Variants in GALNT11 observed in about 807,000 individuals in gnomAD.
GALNT11 encodes the protein polypeptide N-acetylgalactosaminyltransferase 11.
In GALNT11, 47 loss-of-function variants were observed where a neutral mutation model predicts 72.7. The ratio of observed to expected loss-of-function variants is 0.65; its 90% CI spans 0.51 to 0.82. The LOEUF (loss-of-function observed/expected upper bound fraction) is 0.82. Ranked by LOEUF, GALNT11 falls within the 40% of genes least tolerant of loss-of-function variation. The pLI, the probability that GALNT11 is intolerant of heterozygous loss-of-function variation, is 0.00. For synonymous variants in GALNT11, 270 were observed against 286.6 expected (o/e 0.94, Z 0.58); for missense variants, 677 against 778.4 (o/e 0.87, Z 1.55).
intron 1 of GALNT11, among the ~76,000 whole-genome samples, chr7:152,055,699 T>G (rs1292444009): frequency 6.6e-6 from 1 of 152,068 alleles, no homozygotes; most frequent in Non-Finnish European, 1.5e-5. Flanking sequence ...CTATAAAGTA[T>G]ATAAACTCAA....
intron 1 of GALNT11, among the ~76,000 whole-genome samples, chr7:152,047,499 C>T (rs1286821210): frequency 6.6e-6 from 1 of 151,918 alleles, no homozygotes; most frequent in African/African-American, 2.4e-5. Flanking sequence ...ACAAACAAAA[C>T]AGCTTGGGCA....
Position 152,121,784 on chromosome 7 carries a change from G to A in GALNT11, c.*107G>A. 7.1e-7 allele frequency: 1 copy of A among 1,408,834 alleles called. No homozygotes were observed. The highest frequency in any genetic ancestry group is 9.6e-7 in the Non-Finnish European group (1 of 1,038,440). 87.3% of individuals were successfully genotyped at this position (1,408,834 alleles called of 1,614,324 possible). On this transcript the variant is annotated 3_prime_UTR_variant, in exon 12 of 12. Coordinates refer to ENST00000430044, the MANE Select transcript of GALNT11 (RefSeq NM_022087.4). ...GGTGGAGCAGAACCATCTTGGAGAA[G>A]ATGACAGTTCCCTGTCCTCCCGGAG... is the stretch of plus-strand genomic sequence containing the variant.
chr7:152,044,399 C>T (rs1180457195), intron 1 of GALNT11, among the ~76,000 whole-genome samples: 1 of 152,120 alleles, frequency 6.6e-6, no homozygotes, highest in East Asian at 1.9e-4. Context: ...TGTTCCTTGC[C>T]CTCATTCTGG....
chr7:152,120,772 A>G (rs1394790110), intron 10 of GALNT11, 59 bp from the exon 11 acceptor site: 19 of 1,393,792 alleles, frequency 1.4e-5, no homozygotes, highest in Non-Finnish European at 1.7e-5. Context: ...AAGAATATGC[A>G]AAGTGTTGTT....
At chr7:152,076,950 G>A (rs1344715107) in intron 1 of GALNT11, among the ~76,000 whole-genome samples, 2 of 152,206 alleles carry the variant, frequency 1.3e-5, no homozygotes, top group Non-Finnish European at 2.9e-5. Flanking sequence ...CCCATAGCTG[G>A]GCATGGTGGC....
Position 152,121,555 on chromosome 7 carries a change from C to T in GALNT11, c.1705C>T (p.Arg569Trp), listed in dbSNP as rs375496378. 27 of 1,602,380 alleles carry T rather than the reference C, an allele frequency of 1.7e-5. 1 individual carries two copies. Among genetic ancestry groups the T allele is most frequent in the Non-Finnish European group, 2.3e-5 (27 of 1,175,810 alleles). Residue 569 changes from arginine (R) to tryptophan (W), a missense_variant, in exon 12 of 12, where the codon CGG (arginine) becomes TGG (tryptophan). Physicochemically the swap from Arg to Trp is moderately radical, Grantham distance 101. Transcript: ENST00000430044. ...SQQWTFGKNNRLYQVSVGQCL... is the reference protein window; with the variant it reads ...SQQWTFGKNNWLYQVSVGQCL... ...GCTACCTTTTTTTCAGAAAAACAATCGGCTATACCAGGTGTCGGTTGGACA... is the reference window on the plus strand; with the variant it reads ...GCTACCTTTTTTTCAGAAAAACAATTGGCTATACCAGGTGTCGGTTGGACA...
intron 1 of GALNT11, among the ~76,000 whole-genome samples, chr7:152,084,994 CT>C (rs1002373206): frequency 2.0e-5 from 3 of 152,210 alleles, no homozygotes; most frequent in Non-Finnish European, 4.4e-5. Context: ...GACATTTCAC[CT>C]TTCTGGTTCC....
At chr7:152,073,062 G>A (rs1461253285) in intron 1 of GALNT11, among the ~76,000 whole-genome samples, 1 of 152,128 alleles carries the variant, frequency 6.6e-6, no homozygotes. Context: ...GGGGTACATA[G>A]TGATGTTTCT....
intron 1 of GALNT11, among the ~76,000 whole-genome samples, chr7:152,058,081 AT>A (rs1367029778): frequency 2.0e-5 from 3 of 152,074 alleles, no homozygotes; most frequent in South Asian, 2.1e-4. Flanking sequence ...AATCACACAC[AT>A]TTTTTGGGGG....
rs113498981 is a variant in GALNT11, at chr7:152,116,317, C to G, written c.1234-840C>G. On this transcript the variant is annotated intron_variant, in intron 8 of 11. Coordinates refer to ENST00000430044, the MANE Select transcript of GALNT11 (RefSeq NM_022087.4). ...CCAGGCTGTAGTGCAGTGGCACGATCTCAATTCACTGCAACCTCCACCTCC... is the reference window on the plus strand; with the variant it reads ...CCAGGCTGTAGTGCAGTGGCACGATGTCAATTCACTGCAACCTCCACCTCC... 2.8e-3 allele frequency among the ~76,000 whole-genome samples: 430 copies of G among 152,236 alleles called. 2 individuals carry two copies. The highest frequency in any genetic ancestry group is 9.8e-3 in the African/African-American group (409 of 41,538).
intron 4 of GALNT11, chr7:152,104,583 C>T (rs1227176221): frequency 6.6e-6 from 1 of 151,788 alleles, no homozygotes; most frequent in Non-Finnish European, 1.5e-5. Context: ...TTTTGGTTTT[C>T]ACTTTGTGGC....
At position 152,114,724 on chromosome 7, in the gene GALNT11, G is replaced by A. The variant is rs536700065; in HGVS notation, c.1233+1326G>A. On this transcript the variant is annotated intron_variant, in intron 8 of 11. Coordinates refer to ENST00000430044, the MANE Select transcript of GALNT11 (RefSeq NM_022087.4). ...TGGGATTACAGGTGTGAGCCACCAC[G>A]CCTGGTTGCTGCTGTATTTGTGTAT... Among the ~76,000 whole-genome samples, 4 of 152,216 alleles carry A rather than the reference G, an allele frequency of 2.6e-5. No individual in the cohort carries two copies. The East Asian group carries it at 5.8e-4, about 22-fold the overall frequency.
intron 1 of GALNT11, among the ~76,000 whole-genome samples, chr7:152,044,669 A>C (rs61084418): frequency 0.033 from 5,011 of 152,214 alleles, 282 homozygotes; most frequent in African/African-American, 0.12. Context: ...TGAATTTATC[A>C]GTTCTAATAG....
At chr7:152,110,722 T>C in intron 7 of GALNT11, 77 bp downstream of exon 7, 1 of 1,108,570 alleles carries the variant, frequency 9.0e-7, no homozygotes. Context: ...ATATTTTCTT[T>C]ATATTCTCCT....
intron 7 of GALNT11, among the ~76,000 whole-genome samples, chr7:152,111,628 G>GTATA (rs139640614): frequency 4.8e-5 from 7 of 144,826 alleles, no homozygotes; most frequent in African/African-American, 1.6e-4. Flanking sequence ...GTGTGTGTGT[G>GTATA]TATATATATA....
intron 3 of GALNT11, among the ~76,000 whole-genome samples, chr7:152,102,706 A>G (rs2087068744): frequency 6.6e-6 from 1 of 152,032 alleles, no homozygotes; most frequent in South Asian, 2.1e-4. Context: ...AACAGGCTGG[A>G]CGTGGTGGTT....
chr7:152,091,559 G>C (rs541827972), intron 1 of GALNT11, among the ~76,000 whole-genome samples: 5 of 152,054 alleles, frequency 3.3e-5, no homozygotes, highest in East Asian at 1.9e-4. Context: ...TGTATTTTTA[G>C]TAGAGACGGG....
chr7:152,057,004 A>ATTTTTTTTTTTTTTTT (rs71198754), intron 1 of GALNT11, among the ~76,000 whole-genome samples: 1 of 74,930 alleles, frequency 1.3e-5, no homozygotes, highest in African/African-American at 4.7e-5. Context: ...ATGCCCAGCT[A>ATTTTTTTTTTTTTTTT]TTTTTTTTTT....
Position 152,118,793 on chromosome 7 carries a change from C to T in GALNT11, c.1557+11C>T, listed in dbSNP as rs776125984. 6.3e-7 allele frequency: 1 copy of T among 1,594,706 alleles called. No individual in the cohort carries two copies. Among genetic ancestry groups the T allele is most frequent in the Non-Finnish European group, 8.5e-7 (1 of 1,172,804 alleles). Reference sequence around the variant, plus strand: ...AGTGACCCAAATCAGGTGAGTGACACCTCGGGGCTCACAGCCAGTGTCCGC... The same window carrying T: ...AGTGACCCAAATCAGGTGAGTGACATCTCGGGGCTCACAGCCAGTGTCCGC... On this transcript the variant is annotated intron_variant, in intron 10 of 11. Coordinates refer to ENST00000430044, the MANE Select transcript of GALNT11 (RefSeq NM_022087.4).
Sources: gnomAD v4.1 joint callset for allele counts (sites outside exome capture counted in the v4.1 genomes callset) on GRCh38, gnomAD v4.1.1 for gene constraint, MANE v1.5 for transcripts, NCBI Gene and HGNC (gene_info 2026-07-23, HGNC 2026-07-21) for gene names.